The following MLLT3 variants were observed in gnomAD, a reference collection of about 807,000 sequenced individuals.
The protein encoded by MLLT3 is protein AF-9.
Under a neutral mutation model 53.2 loss-of-function variants are expected in MLLT3, and 4 were observed. The observed-to-expected ratio is 0.08, with a 90% CI of 0.04 to 0.17. The LOEUF (loss-of-function observed/expected upper bound fraction) is 0.17, where lower values mean the gene tolerates loss of function less well. Among genes scored for constraint, MLLT3 ranks in the 10% least tolerant of loss-of-function variants. MLLT3 has a pLI of 1.00. For synonymous variants in MLLT3, 283 were observed against 230.6 expected (o/e 1.23, Z -2.06); for missense variants, 569 against 684.0 (o/e 0.83, Z 1.87).
At chr9:20,478,700 C>G (rs1824586960) in intron 2 of MLLT3, among the ~76,000 whole-genome samples, 1 of 152,172 alleles carries the variant, frequency 6.6e-6, no homozygotes, top group South Asian at 2.1e-4. Context: ...TAAATCCACT[C>G]CTTAATAGCT....
In MLLT3 at chr9:20,413,710, G is replaced by C. The variant is rs1028115807; in HGVS notation, c.1125+11C>G. 1.9e-6 allele frequency: 3 copies of C among 1,560,066 alleles called. No homozygotes were observed. In the East Asian group the frequency reaches 6.7e-5, roughly 35 times the overall value. On this transcript the variant is annotated intron_variant, in intron 5 of 10. Coordinates refer to ENST00000380338, the MANE Select transcript of MLLT3 (RefSeq NM_004529.4). Reference sequence around the variant, plus strand: ...TAAGGGAAAGGAAGAAAGCCAGTAAGAACTACTCACATCAGATTTAGAGGA... The same window carrying C: ...TAAGGGAAAGGAAGAAAGCCAGTAACAACTACTCACATCAGATTTAGAGGA...
intron 5 of MLLT3, among the ~76,000 whole-genome samples, chr9:20,396,220 G>A (rs1822318792): frequency 6.6e-6 from 1 of 151,412 alleles, no homozygotes; most frequent in Admixed American, 6.6e-5. Flanking sequence ...TTTAAACTTT[G>A]GGAACTCTTT....
rs151201323 is a variant in MLLT3, at chr9:20,525,200, G to A, written c.194-68414C>T. ...TCAACATTTATAAGTTCTACAAACA[G>A]AAAGACAAATTCAAGGCCGGGCACA... On this transcript the variant is annotated intron_variant, in intron 2 of 10. Transcript: ENST00000380338. 5.9e-3 allele frequency among the ~76,000 whole-genome samples: 890 copies of A among 150,000 alleles called. 13 individuals are homozygous for A. The highest frequency in any genetic ancestry group is 8.6e-3 in the Non-Finnish European group (583 of 67,732).
rs1328894973 is a variant in MLLT3 at position 20,345,492 on chromosome 9, A to T, written c.*951T>A. On this transcript the variant is annotated 3_prime_UTR_variant, in exon 11 of 11. Coordinates refer to ENST00000380338, the MANE Select transcript of MLLT3 (RefSeq NM_004529.4). ...TTTTTTTTTTAGAAAACAGGACCAG[A>T]ATTCTTTTTTTTTAAATGATGATCC... 1.5e-5 allele frequency: 3 copies of T among 203,478 alleles called. No homozygotes were observed. The highest frequency in any genetic ancestry group is 1.2e-4 in the Admixed American group (2 of 16,664). 12.6% of individuals were successfully genotyped at this position (203,478 alleles called of 1,614,324 possible). A position where few individuals can be genotyped will look rare whatever the true frequency, so the allele number is the denominator to read the frequency against.
At chr9:20,424,944 C>T (rs1329877325) in intron 4 of MLLT3, among the ~76,000 whole-genome samples, 1 of 152,140 alleles carries the variant, frequency 6.6e-6, no homozygotes, top group African/African-American at 2.4e-5. Flanking sequence ...TGGCCGGGCA[C>T]AAAGCAGGAA....
intron 2 of MLLT3, among the ~76,000 whole-genome samples, chr9:20,481,480 G>A (rs1053569876): frequency 5.3e-5 from 8 of 152,048 alleles, no homozygotes; most frequent in South Asian, 2.1e-4. Context: ...ACATAAGGAC[G>A]GCCAACTGTA....
chr9:20,567,180 C>CAAAAAAAA (rs35890145), intron 2 of MLLT3, among the ~76,000 whole-genome samples: 1 of 121,508 alleles, frequency 8.2e-6, no homozygotes, highest in African/African-American at 3.0e-5. Flanking sequence ...CACTCAAAGT[C>CAAAAAAAA]AAAAAAAAAA....
At chr9:20,618,070 T>TGA (rs1820881454) in intron 2 of MLLT3, among the ~76,000 whole-genome samples, 1 of 152,200 alleles carries the variant, frequency 6.6e-6, no homozygotes, top group Non-Finnish European at 1.5e-5. Flanking sequence ...GCAGCTACTG[T>TGA]ATACAGTGAA....
At chr9:20,376,913 C>T (rs1821779609) in intron 5 of MLLT3, among the ~76,000 whole-genome samples, 1 of 152,188 alleles carries the variant, frequency 6.6e-6, no homozygotes, top group African/African-American at 2.4e-5. Flanking sequence ...AGTCACACCA[C>T]CTATAAACAC....
At chr9:20,438,061 G>C (rs1055949311) in intron 4 of MLLT3, among the ~76,000 whole-genome samples, 2 of 152,168 alleles carry the variant, frequency 1.3e-5, no homozygotes, top group African/African-American at 4.8e-5. Context: ...GGACAATAGT[G>C]TTATAAGCTA....
At chr9:20,349,651 GA>G (rs1820961954) in intron 10 of MLLT3, among the ~76,000 whole-genome samples, 1 of 151,776 alleles carries the variant, frequency 6.6e-6, no homozygotes, top group Non-Finnish European at 1.5e-5. Flanking sequence ...ATCCCTTCTA[GA>G]AAAAAAGCCA....
chr9:20,516,827 A>C (rs1215748959), intron 2 of MLLT3, among the ~76,000 whole-genome samples: 1 of 152,256 alleles, frequency 6.6e-6, no homozygotes, highest in Non-Finnish European at 1.5e-5. Flanking sequence ...TGTCCCTAGA[A>C]GGTATATTAT....
chr9:20,517,350 A>T (rs1817940529), intron 2 of MLLT3, among the ~76,000 whole-genome samples: 1 of 152,124 alleles, frequency 6.6e-6, no homozygotes, highest in Non-Finnish European at 1.5e-5. Context: ...TCCCAGTAAC[A>T]ATGAACACAA....
At chr9:20,591,969 A>C (rs1820141327) in intron 2 of MLLT3, among the ~76,000 whole-genome samples, 2 of 152,258 alleles carry the variant, frequency 1.3e-5, no homozygotes, top group East Asian at 3.9e-4. Flanking sequence ...AGTCCAGCCT[A>C]GGCAACACAT....
At chr9:20,573,213 CT>C (rs1410718222) in intron 2 of MLLT3, among the ~76,000 whole-genome samples, 1 of 144,594 alleles carries the variant, frequency 6.9e-6, no homozygotes, top group African/African-American at 2.6e-5. Context: ...GACAGTCTCA[CT>C]TGGTCACCCA....
intron 2 of MLLT3, among the ~76,000 whole-genome samples, chr9:20,525,075 A>G (rs946637822): frequency 6.6e-6 from 1 of 150,660 alleles, no homozygotes; most frequent in Non-Finnish European, 1.5e-5. Context: ...AGTATAAGGA[A>G]GGAGACAGGG....
intron 2 of MLLT3, among the ~76,000 whole-genome samples, chr9:20,600,507 A>G (rs1820395073): frequency 6.6e-6 from 1 of 152,200 alleles, no homozygotes; most frequent in Non-Finnish European, 1.5e-5. Flanking sequence ...TTCTTTTCCC[A>G]TCTGAGTGTT....
At chr9:20,509,214 G>A (rs570109649) in intron 2 of MLLT3, among the ~76,000 whole-genome samples, 34 of 152,232 alleles carry the variant, frequency 2.2e-4, no homozygotes, top group South Asian at 6.2e-4. Flanking sequence ...CAGAACATCT[G>A]GTAGCACAAA....
chr9:20,621,742 G>A lies in MLLT3; in HGVS notation c.12+503C>T. 1.3e-6 allele frequency: 2 copies of A among 1,490,882 alleles called. No homozygotes were observed. Among genetic ancestry groups the A allele is most frequent in the East Asian group, 5.7e-5 (2 of 35,236 alleles). The allele number at this position is 1,490,882 out of a possible 1,614,324, so 92.4% of individuals were successfully genotyped here. The stretch of plus-strand genomic sequence containing the variant: ...CGCCGCTGTCAGCCCCGCACACTTC[G>A]GCTCACACACGCGCGCCGCGGAGAA... On this transcript the variant is annotated intron_variant, in intron 1 of 10. Transcript: ENST00000380338. This position sits in a 1 kb window ranked among gnomAD's most constrained non-coding sequence, Gnocchi z 7.0.
Sources: gnomAD v4.1 joint callset for allele counts (sites outside exome capture counted in the v4.1 genomes callset) on GRCh38, gnomAD v4.1.1 for gene constraint, Gnocchi (gnomAD v3.1) non-coding constraint, MANE v1.5 for transcripts, NCBI Gene and HGNC (gene_info 2026-07-23, HGNC 2026-07-21) for gene names.